The following SGK1 variants were observed in gnomAD, a reference collection of about 807,000 sequenced individuals.
SGK1 encodes the protein serine/threonine-protein kinase Sgk1.
In SGK1, 26 loss-of-function variants were observed where a neutral mutation model predicts 64.2. The ratio of observed to expected loss-of-function variants is 0.40; its 90% CI spans 0.30 to 0.56. The LOEUF (loss-of-function observed/expected upper bound fraction) is 0.56. Ranked by LOEUF, SGK1 falls within the 20% of genes least tolerant of loss-of-function variation. The probability of loss-of-function intolerance (pLI) is 0.38; values close to 1 mark genes in which losing one functional copy is unlikely to be tolerated. For missense variants in SGK1, 519 were observed against 645.6 expected (o/e 0.80, Z 2.12); for synonymous variants, 265 against 239.7 (o/e 1.11, Z -0.98).
Position 134,172,738 on chromosome 6 carries a change from C to CCAGGAAG in SGK1, c.864_870dup (p.Glu291LeufsTer12). On this transcript the variant is annotated frameshift_variant, in exon 9 of 14. Coordinates refer to ENST00000367858, the MANE Select transcript of SGK1 (RefSeq NM_001143676.3). LOFTEE classifies it high-confidence loss of function. Reference sequence around the variant, plus strand: ...GCAGCATAGAAACGAGCCCGTGGTTCCAGGAAGCAGCGTTCCCTCTGGAGA... The same window carrying CCAGGAAG: ...GCAGCATAGAAACGAGCCCGTGGTTCCAGGAAGCAGGAAGCAGCGTTCCCTCTGGAGA... 6.2e-7 allele frequency: 1 copy of CCAGGAAG among 1,614,076 alleles called. No individual in the cohort carries two copies. Among genetic ancestry groups the CCAGGAAG allele is most frequent in the East Asian group, 2.2e-5 (1 of 44,894 alleles).
chr6:134,259,609 A>G (rs1020776856), intron 2 of SGK1, among the ~76,000 whole-genome samples: 1 of 152,032 alleles, frequency 6.6e-6, no homozygotes, highest in Non-Finnish European at 1.5e-5. Flanking sequence ...TCGTCACTGC[A>G]CTCCAACCTG....
intron 1 of SGK1, among the ~76,000 whole-genome samples, chr6:134,270,491 T>C (rs1256644903): frequency 6.7e-6 from 1 of 148,308 alleles, no homozygotes; most frequent in Admixed American, 6.9e-5. Flanking sequence ...GCTAACATCC[T>C]CCATCAAGGT....
At chr6:134,282,442 A>C (rs1360905358) in intron 1 of SGK1, among the ~76,000 whole-genome samples, 1 of 152,124 alleles carries the variant, frequency 6.6e-6, no homozygotes, top group East Asian at 1.9e-4. Context: ...ACTTGAGGTC[A>C]GGAGTTCGAG....
intron 2 of SGK1, among the ~76,000 whole-genome samples, chr6:134,208,580 C>A (rs1156964161): frequency 6.6e-6 from 1 of 152,046 alleles, no homozygotes; most frequent in Non-Finnish European, 1.5e-5. Context: ...CCTCTTTATG[C>A]CTTTGCGTCC....
At chr6:134,177,931 A>G in intron 3 of SGK1, 3 of 1,139,078 alleles carry the variant, frequency 2.6e-6, no homozygotes, top group Non-Finnish European at 3.7e-6. Flanking sequence ...ACACTGGGCC[A>G]TTTATTCTCC....
chr6:134,292,062 C>CAAAA (rs35485310), intron 1 of SGK1, among the ~76,000 whole-genome samples: 1 of 132,976 alleles, frequency 7.5e-6, no homozygotes, highest in Non-Finnish European at 1.6e-5. Context: ...GACTCTCTCT[C>CAAAA]AAAAAAAAAA....
At chr6:134,278,056 GC>G (rs1777042907) in intron 1 of SGK1, among the ~76,000 whole-genome samples, 1 of 152,194 alleles carries the variant, frequency 6.6e-6, no homozygotes, top group Admixed American at 6.5e-5. Context: ...TGATCTTGGA[GC>G]ATCCAAGAAG....
chr6:134,297,218 C>T, intron 1 of SGK1: 2 of 939,148 alleles, frequency 2.1e-6, no homozygotes, highest in South Asian at 2.6e-5. Flanking sequence ...TCCCAGACTC[C>T]AGCCGGCATT....
At chr6:134,175,393 C>G (rs892635193) in intron 3 of SGK1, 1 of 1,238,890 alleles carries the variant, frequency 8.1e-7, no homozygotes, top group East Asian at 3.2e-5. Context: ...CCCTGGGGCG[C>G]AGGCCTGCGC....
At chr6:134,214,031 G>A (rs1365843712) in intron 2 of SGK1, among the ~76,000 whole-genome samples, 8 of 151,882 alleles carry the variant, frequency 5.3e-5, no homozygotes, top group Admixed American at 5.3e-4. Context: ...CTTTTTGGCT[G>A]GAATATTTTA....
At chr6:134,260,025 AT>A (rs1187539520) in intron 2 of SGK1, 1 of 152,202 alleles carries the variant, frequency 6.6e-6, no homozygotes, top group Non-Finnish European at 1.5e-5. Flanking sequence ...AACATTTCAT[AT>A]CAATCTCATT....
intron 2 of SGK1, among the ~76,000 whole-genome samples, chr6:134,212,075 A>G (rs1229607856): frequency 1.6e-5 from 2 of 126,926 alleles, no homozygotes; most frequent in African/African-American, 2.7e-5. Context: ...TTTGGGGGGG[A>G]CGGAGTCTCT....
intron 5 of SGK1, 168 bp downstream of exon 5, chr6:134,173,837 T>C (rs1775118531): frequency 1.6e-6 from 1 of 610,506 alleles, no homozygotes. Context: ...AAAAATAAAA[T>C]AATACTCTGA....
chr6:134,201,632 G>T (rs1775686240), intron 3 of SGK1, among the ~76,000 whole-genome samples: 1 of 152,196 alleles, frequency 6.6e-6, no homozygotes, highest in South Asian at 2.1e-4. Flanking sequence ...AAAGTGCTGG[G>T]ATTACAGGTG....
At chr6:134,297,256 T>G in intron 1 of SGK1, 1 of 1,200,068 alleles carries the variant, frequency 8.3e-7, no homozygotes, top group Non-Finnish European at 1.2e-6. Flanking sequence ...TTCCTGTAGG[T>G]TGCGATCTCA....
chr6:134,297,565 C>A, intron 1 of SGK1: 1 of 504,086 alleles, frequency 2.0e-6, no homozygotes. Flanking sequence ...TGCAGTGGCA[C>A]GATCTCGGCT....
intron 3 of SGK1, among the ~76,000 whole-genome samples, chr6:134,197,568 G>A (rs868539635): frequency 1.1e-4 from 16 of 152,072 alleles, no homozygotes; most frequent in African/African-American, 3.6e-4. Context: ...GTTCACACCT[G>A]TAATCCCAGC....
At chr6:134,302,783 C>T (rs1360383154) in intron 1 of SGK1, among the ~76,000 whole-genome samples, 1 of 151,928 alleles carries the variant, frequency 6.6e-6, no homozygotes, top group African/African-American at 2.4e-5. Flanking sequence ...GAGACAGAGT[C>T]TCACTCTGTC....
chr6:134,290,986 G>A (rs1314829101), intron 1 of SGK1, among the ~76,000 whole-genome samples: 1 of 152,212 alleles, frequency 6.6e-6, no homozygotes. Flanking sequence ...TAGGGAAGAA[G>A]ATGATGAGAA....
Sources: gnomAD v4.1 joint callset for allele counts (sites outside exome capture counted in the v4.1 genomes callset) on GRCh38, gnomAD v4.1.1 for gene constraint, MANE v1.5 for transcripts, NCBI Gene and HGNC (gene_info 2026-07-23, HGNC 2026-07-21) for gene names.